DAB1: variants seen among roughly 807,000 people sequenced by gnomAD.
DAB1 encodes the protein disabled homolog 1.
DAB1 carries 15 observed loss-of-function variants against 64.6 expected under a neutral mutation model. The observed-to-expected ratio is 0.23, with a 90% CI of 0.16 to 0.36. The LOEUF is 0.36. Ranked by LOEUF, DAB1 falls within the 10% of genes least tolerant of loss-of-function variation. The pLI is 1.00. For missense variants in DAB1, 596 were observed against 706.7 expected (o/e 0.84, Z 1.78); for synonymous variants, 235 against 251.9 (o/e 0.93, Z 0.64).
chr1:57,128,160 T>G (rs2104349), intron 4 of DAB1, among the ~76,000 whole-genome samples: 1 of 98,670 alleles, frequency 1.0e-5, no homozygotes, highest in Non-Finnish European at 2.1e-5. Flanking sequence ...TAAAAATAAA[T>G]AAATAAATAA....
intron 8 of DAB1, among the ~76,000 whole-genome samples, chr1:57,064,766 A>G (rs79776926): frequency 0.024 from 3,646 of 152,230 alleles, 157 homozygotes; most frequent in African/African-American, 0.082. Context: ...AGAAAACAGG[A>G]CTGAGTGAGC....
At chr1:57,048,607 C>T (rs967155396) in intron 9 of DAB1, among the ~76,000 whole-genome samples, 3 of 152,214 alleles carry the variant, frequency 2.0e-5, no homozygotes, top group African/African-American at 7.2e-5. Flanking sequence ...CAGTAGTTTT[C>T]ATACTACCTT....
intron 7 of DAB1, among the ~76,000 whole-genome samples, chr1:57,624,592 T>C (rs939151295): frequency 6.6e-6 from 1 of 152,250 alleles, no homozygotes; most frequent in Non-Finnish European, 1.5e-5. Context: ...AGGTTTGAAA[T>C]GTTAATTTTC....
At chr1:57,154,071 T>C (rs1258410236) in intron 2 of DAB1, among the ~76,000 whole-genome samples, 1 of 152,226 alleles carries the variant, frequency 6.6e-6, no homozygotes, top group Non-Finnish European at 1.5e-5. Flanking sequence ...AATTATGCTC[T>C]TTCAGTTATA....
At chr1:57,645,631 C>T (rs1646183455) in intron 7 of DAB1, among the ~76,000 whole-genome samples, 1 of 152,166 alleles carries the variant, frequency 6.6e-6, no homozygotes, top group South Asian at 2.1e-4. Context: ...GACCCTTTCA[C>T]ATGCATTATT....
At chr1:58,463,822 T>A (rs1014908910) in intron 3 of DAB1, among the ~76,000 whole-genome samples, 2 of 152,242 alleles carry the variant, frequency 1.3e-5, no homozygotes, top group African/African-American at 4.8e-5. Context: ...GTACATGTCC[T>A]TGTCATGTGT....
chr1:57,554,446 A>G (rs1570621671), intron 7 of DAB1, among the ~76,000 whole-genome samples: 2 of 152,244 alleles, frequency 1.3e-5, no homozygotes, highest in East Asian at 3.8e-4. Context: ...CAGTCCTGGC[A>G]TATAGTAAAT....
intron 3 of DAB1, among the ~76,000 whole-genome samples, chr1:58,413,865 G>A (rs922944109): frequency 6.6e-6 from 1 of 152,076 alleles, no homozygotes; most frequent in Non-Finnish European, 1.5e-5. Context: ...CGACAACAGG[G>A]ATACCTTCTG....
intron 1 of DAB1, among the ~76,000 whole-genome samples, chr1:57,335,245 G>A (rs1412744656): frequency 2.6e-5 from 4 of 151,254 alleles, no homozygotes; most frequent in Admixed American, 6.6e-5. Flanking sequence ...TACGTGCCCC[G>A]ATCATTAAAA....
At chr1:57,046,467 C>T (rs1648510827) in intron 9 of DAB1, among the ~76,000 whole-genome samples, 1 of 152,252 alleles carries the variant, frequency 6.6e-6, no homozygotes, top group Middle Eastern at 3.4e-3. Context: ...CTTCTGCATC[C>T]ACTAATAATG....
intron 3 of DAB1, among the ~76,000 whole-genome samples, chr1:58,360,506 A>T (rs1182446492): frequency 6.6e-6 from 1 of 152,100 alleles, no homozygotes; most frequent in Non-Finnish European, 1.5e-5. Flanking sequence ...CCGCCTTTTC[A>T]TCTTTTTATC....
At chr1:57,016,079 T>C (rs1326102610) in intron 11 of DAB1, among the ~76,000 whole-genome samples, 1 of 152,190 alleles carries the variant, frequency 6.6e-6, no homozygotes, top group Non-Finnish European at 1.5e-5. Context: ...TGAAGATTAA[T>C]TGATAGTACA....
intron 3 of DAB1, among the ~76,000 whole-genome samples, chr1:58,501,334 T>C (rs1645903946): frequency 6.6e-6 from 1 of 152,236 alleles, no homozygotes; most frequent in South Asian, 2.1e-4. Context: ...TATATTATGC[T>C]AAAATGATCC....
intron 3 of DAB1, among the ~76,000 whole-genome samples, chr1:58,477,983 G>A (rs1645435725): frequency 6.6e-6 from 1 of 152,110 alleles, no homozygotes; most frequent in South Asian, 2.1e-4. Flanking sequence ...ACCATAAATA[G>A]GGTCACTGTG....
At chr1:57,659,414 C>T (rs984906800) in intron 6 of DAB1, among the ~76,000 whole-genome samples, 9 of 152,130 alleles carry the variant, frequency 5.9e-5, no homozygotes, top group African/African-American at 1.2e-4. Flanking sequence ...ATAATGTTAA[C>T]GCAAGGAAAG....
At chr1:57,531,346 T>C (rs1644660548) in intron 7 of DAB1, among the ~76,000 whole-genome samples, 1 of 152,202 alleles carries the variant, frequency 6.6e-6, no homozygotes, top group Non-Finnish European at 1.5e-5. Context: ...CCCACCGAAA[T>C]CCTATAAAAC....
chr1:57,880,494 C>T (rs371318920), intron 1 of DAB1: 6 of 152,294 alleles, frequency 3.9e-5, no homozygotes, highest in African/African-American at 1.4e-4. Flanking sequence ...AGGACACCAT[C>T]AAGAGTCACC....
At chr1:58,394,521 A>G (rs1019141151) in intron 3 of DAB1, among the ~76,000 whole-genome samples, 2 of 152,214 alleles carry the variant, frequency 1.3e-5, no homozygotes, top group Non-Finnish European at 2.9e-5. Context: ...ATACAGTGGG[A>G]AAGATGGTCT....
chr1:57,116,472 A>AT (rs1448121971), intron 4 of DAB1, among the ~76,000 whole-genome samples: 1 of 148,398 alleles, frequency 6.7e-6, no homozygotes, highest in East Asian at 2.1e-4. Flanking sequence ...AAAAAAAAAA[A>AT]AAAAAAAAAA....
Sources: allele counts gnomAD v4.1 joint callset (sites outside exome capture counted in the v4.1 genomes callset), GRCh38; gene constraint gnomAD v4.1.1; transcripts MANE v1.5; gene names NCBI Gene and HGNC (gene_info 2026-07-23, HGNC 2026-07-21).